ASIC2: variants seen among roughly 807,000 people sequenced by gnomAD.
ASIC2 encodes the protein acid-sensing ion channel 2.
In ASIC2, 25 loss-of-function variants were observed where a neutral mutation model predicts 57.3. That is an observed-to-expected ratio of 0.44 (90% CI 0.32 to 0.61). The LOEUF (loss-of-function observed/expected upper bound fraction) is 0.61. ASIC2 is among the 20% of genes least tolerant of loss of function. The pLI is 0.06. For missense variants in ASIC2, 641 were observed against 738.1 expected (o/e 0.87, Z 1.52); for synonymous variants, 319 against 307.5 (o/e 1.04, Z -0.39).
chr17:33,770,643 A>G (rs1167061421), intron 1 of ASIC2, among the ~76,000 whole-genome samples: 1 of 152,202 alleles, frequency 6.6e-6, no homozygotes, highest in African/African-American at 2.4e-5. Context: ...CCTCTTGAAC[A>G]GGAACCAATT....
intron 1 of ASIC2, among the ~76,000 whole-genome samples, chr17:33,861,330 T>C (rs1216934525): frequency 6.6e-6 from 1 of 152,208 alleles, no homozygotes; most frequent in Non-Finnish European, 1.5e-5. Context: ...TACAGTAATA[T>C]CACAGCTATG....
At chr17:34,082,485 A>C (rs1280131982) in intron 1 of ASIC2, among the ~76,000 whole-genome samples, 5 of 152,200 alleles carry the variant, frequency 3.3e-5, no homozygotes, top group African/African-American at 1.2e-4. Flanking sequence ...AAACGGAATA[A>C]ACTCCACTTC....
intron 1 of ASIC2, among the ~76,000 whole-genome samples, chr17:33,844,839 A>G (rs1163052383): frequency 6.6e-6 from 1 of 152,204 alleles, no homozygotes; most frequent in Non-Finnish European, 1.5e-5. Context: ...TAGTCTCATA[A>G]TATATTTATA....
intron 1 of ASIC2, among the ~76,000 whole-genome samples, chr17:33,781,882 A>G (rs1403047154): frequency 6.6e-6 from 1 of 152,046 alleles, no homozygotes; most frequent in Non-Finnish European, 1.5e-5. Flanking sequence ...TTTTGACTCC[A>G]CTTGTAGATA....
At chr17:33,807,808 T>C (rs1025206004) in intron 1 of ASIC2, among the ~76,000 whole-genome samples, 1 of 152,260 alleles carries the variant, frequency 6.6e-6, no homozygotes, top group African/African-American at 2.4e-5. Context: ...GTGGAGCATA[T>C]TTTTATATGC....
intron 1 of ASIC2, among the ~76,000 whole-genome samples, chr17:33,234,800 C>T (rs564281660): frequency 3.9e-5 from 6 of 152,176 alleles, no homozygotes; most frequent in African/African-American, 1.2e-4. Flanking sequence ...CTCCACCCCA[C>T]GACCTAATCA....
chr17:33,379,320 C>T (rs905576988), intron 1 of ASIC2, among the ~76,000 whole-genome samples: 1 of 152,154 alleles, frequency 6.6e-6, no homozygotes. Flanking sequence ...CTGGCAGTTG[C>T]GAAGTTCAGA....
intron 1 of ASIC2, among the ~76,000 whole-genome samples, chr17:33,362,319 G>A (rs1424877846): frequency 2.0e-5 from 3 of 152,222 alleles, no homozygotes; most frequent in East Asian, 1.9e-4. Flanking sequence ...TGCCAGAGAC[G>A]TGTGGCTAAG....
intron 1 of ASIC2, among the ~76,000 whole-genome samples, chr17:34,056,873 A>G (rs1195324910): frequency 6.6e-6 from 1 of 152,210 alleles, no homozygotes; most frequent in Non-Finnish European, 1.5e-5. Context: ...TCTTGAGGTT[A>G]AACAACCCAT....
In ASIC2 at chr17:33,028,372, C is replaced by T. The variant is rs777584698; in HGVS notation, c.1008G>A (p.Pro336=). 86 of 1,613,990 alleles carry T rather than the reference C, an allele frequency of 5.3e-5. No homozygotes were observed. The highest frequency in any genetic ancestry group is 5.8e-5 in the Non-Finnish European group (69 of 1,180,022). The part of the protein sequence containing the change: ...QEQRLTYLPP[P]WGECRSSEMG... ...TCTCTGAGGATCGGCACTCACCCCA[C>T]GGTGGGGGCAGGTATGTGAGCTGCA... The change falls in exon 4 of 10, where the codon CCG becomes CCA. Residue 336 remains proline (P), a synonymous_variant. Transcript: ENST00000225823.
intron 1 of ASIC2, among the ~76,000 whole-genome samples, chr17:33,991,639 G>C (rs78544290): frequency 0.019 from 2,959 of 152,304 alleles, 38 homozygotes; most frequent in Middle Eastern, 0.034. Flanking sequence ...GCAATGCACT[G>C]TTGGCTTTCT....
intron 1 of ASIC2, among the ~76,000 whole-genome samples, chr17:33,190,958 C>T (rs1185892268): frequency 6.6e-6 from 1 of 152,168 alleles, no homozygotes. Flanking sequence ...AAGAACCTAC[C>T]CATTCCACTT....
At chr17:33,206,663 A>G (rs1216536240) in intron 1 of ASIC2, among the ~76,000 whole-genome samples, 1 of 152,092 alleles carries the variant, frequency 6.6e-6, no homozygotes, top group Non-Finnish European at 1.5e-5. Flanking sequence ...GTATCCTTCC[A>G]TGGCCCTGGT....
chr17:33,217,512 T>C (rs1243802107), intron 1 of ASIC2, among the ~76,000 whole-genome samples: 1 of 152,358 alleles, frequency 6.6e-6, no homozygotes. Context: ...CCTGAGTCTT[T>C]GCCTCTTGAG....
At chr17:34,147,666 G>A (rs1334288944) in intron 1 of ASIC2, among the ~76,000 whole-genome samples, 1 of 152,218 alleles carries the variant, frequency 6.6e-6, no homozygotes, top group Non-Finnish European at 1.5e-5. Context: ...CAAACTGGGA[G>A]GGGTGATGTA....
intron 1 of ASIC2, among the ~76,000 whole-genome samples, chr17:33,125,715 C>A (rs1237726625): frequency 6.6e-6 from 1 of 152,206 alleles, no homozygotes; most frequent in Non-Finnish European, 1.5e-5. Context: ...TTACAGAATG[C>A]AACTCTTCAG....
chr17:33,768,890 G>A (rs1171142030), intron 1 of ASIC2, among the ~76,000 whole-genome samples: 1 of 152,098 alleles, frequency 6.6e-6, no homozygotes, highest in East Asian at 1.9e-4. Flanking sequence ...GGGGGAAGAC[G>A]ACTTGCCCTT....
chr17:33,470,652 A>G (rs1432622404), intron 1 of ASIC2, among the ~76,000 whole-genome samples: 1 of 152,188 alleles, frequency 6.6e-6, no homozygotes, highest in Non-Finnish European at 1.5e-5. Context: ...TTGCTGGGAT[A>G]GTGGGACTCA....
At chr17:33,303,519 C>A (rs577317408) in intron 1 of ASIC2, among the ~76,000 whole-genome samples, 1 of 152,138 alleles carries the variant, frequency 6.6e-6, no homozygotes, top group Non-Finnish European at 1.5e-5. Flanking sequence ...CATTACACAC[C>A]GACAGCAACT....
Sources: gnomAD v4.1 joint callset for allele counts (sites outside exome capture counted in the v4.1 genomes callset) on GRCh38, gnomAD v4.1.1 for gene constraint, MANE v1.5 for transcripts, NCBI Gene and HGNC (gene_info 2026-07-23, HGNC 2026-07-21) for gene names.